The following RRAD variants were observed in gnomAD, a reference collection of about 807,000 sequenced individuals.
RRAD encodes GTP-binding protein RAD.
A neutral mutation model predicts 24.7 loss-of-function variants in RRAD; 15 were observed. The ratio of observed to expected loss-of-function variants is 0.61; its 90% confidence interval spans 0.41 to 0.93. The LOEUF (loss-of-function observed/expected upper bound fraction) is 0.93, where lower values mean the gene tolerates loss of function less well. Ranked by LOEUF, RRAD falls within the 40% of genes least tolerant of loss-of-function variation. The probability of loss-of-function intolerance (pLI) is 0.00; values close to 1 mark genes in which losing one functional copy is unlikely to be tolerated. For missense variants in RRAD, 438 were observed against 452.2 expected (o/e 0.97, Z 0.29); for synonymous variants, 180 against 189.8 (o/e 0.95, Z 0.43).
In RRAD at chr16:66,922,363, T is replaced by C. The variant is rs1247121759; in HGVS notation, c.650-10A>G. ...GCGCAGGCCCGGCCCTCTGTGTGGG[T>C]GGGGAAAGGCAGGCACCAGTAAACA... On this transcript the variant is annotated splice_polypyrimidine_tract_variant and intron_variant, in intron 4 of 4. Transcript: ENST00000299759. 1.9e-6 allele frequency: 3 copies of C among 1,576,224 alleles called. No individual in the cohort carries two copies. Among genetic ancestry groups the C allele is most frequent in the Non-Finnish European group, 2.6e-6 (3 of 1,157,454 alleles).
chr16:66,923,806 C>T lies in RRAD; in HGVS notation c.444+40G>A, dbSNP rs1262389276. 5 of 1,609,508 alleles carry T rather than the reference C, an allele frequency of 3.1e-6. 1 individual carries two copies. Among genetic ancestry groups the T allele is most frequent in the Non-Finnish European group, 4.3e-6 (5 of 1,175,986 alleles). On this transcript the variant is annotated intron_variant, in intron 3 of 4. Transcript: ENST00000299759. This position sits in a 1 kb window ranked among gnomAD's most constrained non-coding sequence, Gnocchi z 4.9. ...ACTCCCAGACCTCTAACCCAACTCA[C>T]TCCTCCCTCCCCTGCCCTGGGTCTC...
Position 66,922,152 on chromosome 16 carries a change from C to A in RRAD, c.851G>T (p.Arg284Leu), listed in dbSNP as rs746946481. The change falls in exon 5 of 5, where the codon CGC (arginine) becomes CTC (leucine). Residue 284 changes from arginine to leucine, a missense_variant. Arg to Leu is a moderately radical substitution (Grantham distance 102). Coordinates refer to ENST00000299759, the MANE Select transcript of RRAD (RefSeq NM_004165.3). ...LGKKAKRFLG[R>L]IVARNSRKMA... The stretch of plus-strand genomic sequence containing the variant: ...CTTGCGGCTGTTACGAGCTACGATG[C>A]GGCCCAAGAAGCGCTTCGCCTTTTT... 8 of 1,613,926 alleles carry A rather than the reference C, an allele frequency of 5.0e-6. No homozygotes were observed. Among genetic ancestry groups the A allele is most frequent in the Admixed American group, 1.7e-5 (1 of 60,008 alleles).
At position 66,922,365 on chromosome 16, in the gene RRAD, G is replaced by T; in HGVS notation, c.650-12C>A. On this transcript the variant is annotated splice_polypyrimidine_tract_variant and intron_variant, in intron 4 of 4. Coordinates refer to ENST00000299759, the MANE Select transcript of RRAD (RefSeq NM_004165.3). Reference sequence around the variant, plus strand: ...GCAGGCCCGGCCCTCTGTGTGGGTGGGGAAAGGCAGGCACCAGTAAACAAA... The same window carrying T: ...GCAGGCCCGGCCCTCTGTGTGGGTGTGGAAAGGCAGGCACCAGTAAACAAA... 1 of 1,573,710 alleles carries T rather than the reference G, an allele frequency of 6.4e-7. No individual in the cohort carries two copies. The highest frequency in any genetic ancestry group is 1.1e-5 in the South Asian group (1 of 89,620).
rs199530243 is a variant in RRAD at position 66,923,965 on chromosome 16, C to T, written c.371-46G>A. On this transcript the variant is annotated intron_variant, in intron 2 of 4. Coordinates refer to ENST00000299759, the MANE Select transcript of RRAD (RefSeq NM_004165.3). This position sits in a 1 kb window ranked among gnomAD's most constrained non-coding sequence, Gnocchi z 4.9. Reference sequence around the variant, plus strand: ...CAGGTTACCAGCTGGTTGTCAAAGCCGCTGCTGCCAGGTTTCCTGTTCTGG... The same window carrying T: ...CAGGTTACCAGCTGGTTGTCAAAGCTGCTGCTGCCAGGTTTCCTGTTCTGG... 2.0e-5 allele frequency: 31 copies of T among 1,514,206 alleles called. No individual in the cohort carries two copies. Among genetic ancestry groups the T allele is most frequent in the South Asian group, 2.0e-4 (18 of 89,064 alleles). 93.8% of individuals were successfully genotyped at this position (1,514,206 alleles called of 1,614,324 possible).
rs1267935196 is a variant in RRAD at position 66,925,068 on chromosome 16, G to C, written c.112C>G (p.Arg38Gly). The C allele has an allele frequency of 4.7e-6, 6 of 1,286,116 alleles. No homozygotes were observed. The highest frequency in any genetic ancestry group is 5.9e-6 in the Non-Finnish European group (6 of 1,019,132). 79.7% of individuals were successfully genotyped at this position (1,286,116 alleles called of 1,614,324 possible). Residue 38 changes from arginine (R) to glycine (G), a missense_variant, in exon 2 of 5, where the codon CGC becomes GGC. By Grantham distance (125) the Arg-to-Gly change is moderately radical (BLOSUM62 -2). Coordinates refer to ENST00000299759, the MANE Select transcript of RRAD (RefSeq NM_004165.3). This position sits in a 1 kb window ranked among gnomAD's most constrained non-coding sequence, Gnocchi z 5.2. Reference protein sequence around the residue: ...PWGPAPPLHRRSMPVDERDLQ... With the variant: ...PWGPAPPLHRGSMPVDERDLQ... ...TCGCGCTCGTCCACCGGCATGCTGC[G>C]GCGGTGCAGCGGCGGGGCGGGGCCC...
intron 4 of RRAD, among the ~76,000 whole-genome samples, chr16:66,922,843 C>T (rs537891884): frequency 6.0e-4 from 91 of 152,202 alleles, no homozygotes; most frequent in African/African-American, 2.0e-3. Flanking sequence ...CCACCACGCC[C>T]GGCTAATTTT....
Position 66,924,898 on chromosome 16 carries a change from C to T in RRAD, c.282G>A (p.Val94=). ...GSDSDESVYK[V]LLLGAPGVGK... is the part of the protein sequence containing the mutation. ...CCACGCCGGGCGCCCCCAGCAGCAG[C>T]ACCTTGTAAACGCTCTCGTCTGAGT... The change falls in exon 2 of 5, where the codon GTG becomes GTA. Residue 94 remains valine, a synonymous_variant. Coordinates refer to ENST00000299759, the MANE Select transcript of RRAD (RefSeq NM_004165.3). This position sits in a 1 kb window ranked among gnomAD's most constrained non-coding sequence, Gnocchi z 4.2. The T allele has an allele frequency of 1.3e-6, 2 of 1,584,612 alleles. No individual in the cohort carries two copies. Among genetic ancestry groups the T allele is most frequent in the Non-Finnish European group, 1.7e-6 (2 of 1,170,386 alleles).
chr16:66,925,202 A>T lies in RRAD; in HGVS notation c.-15-8T>A. The T allele has an allele frequency of 8.0e-7, 1 of 1,244,548 alleles. No individual in the cohort carries two copies. Among genetic ancestry groups the T allele is most frequent in the Non-Finnish European group, 1.0e-6 (1 of 994,298 alleles). The allele number at this position is 1,244,548 out of a possible 1,614,324, so 77.1% of individuals were successfully genotyped here. On this transcript the variant is annotated splice_polypyrimidine_tract_variant and splice_region_variant and intron_variant, in intron 1 of 4. Transcript: ENST00000299759. The surrounding 1 kb of genome is among the most constrained non-coding windows in gnomAD (Gnocchi z 5.2). Reference sequence around the variant, plus strand: ...CATCGCGTCCGGGACCGTCTAGGGGATCAGGAACCCGAGTGGCCGTGTAAG... The same window carrying T: ...CATCGCGTCCGGGACCGTCTAGGGGTTCAGGAACCCGAGTGGCCGTGTAAG...
At position 66,921,994 on chromosome 16, in the gene RRAD, C is replaced by T. The variant is rs1264664381; in HGVS notation, c.*82G>A. 2 of 1,348,642 alleles carry T rather than the reference C, an allele frequency of 1.5e-6. No homozygotes were observed. The highest frequency in any genetic ancestry group is 2.1e-5 in the Admixed American group (1 of 48,308). 83.5% of individuals were successfully genotyped at this position (1,348,642 alleles called of 1,614,324 possible). A position where few individuals can be genotyped will look rare whatever the true frequency, so the allele number is the denominator to read the frequency against. On this transcript the variant is annotated 3_prime_UTR_variant, in exon 5 of 5. Coordinates refer to ENST00000299759, the MANE Select transcript of RRAD (RefSeq NM_004165.3). ...CCGAGGGACCCAGAGTCTGAGCCTG[C>T]TCTGAGGCACCCGGGGCAGTTGGCT...
chr16:66,924,727 G>T lies in RRAD; in HGVS notation c.370+83C>A. The T allele has an allele frequency of 9.8e-7, 1 of 1,017,650 alleles. No individual in the cohort carries two copies. The highest frequency in any genetic ancestry group is 1.3e-6 in the Non-Finnish European group (1 of 764,640). The allele number at this position is 1,017,650 out of a possible 1,614,324, so 63.0% of individuals were successfully genotyped here. A position where few individuals can be genotyped will look rare whatever the true frequency, so the allele number is the denominator to read the frequency against. On this transcript the variant is annotated intron_variant, in intron 2 of 4. Transcript: ENST00000299759. The surrounding 1 kb of genome is among the most constrained non-coding windows in gnomAD (Gnocchi z 4.2). ...CAACAACAACAACTATAATTCCACG[G>T]TATTTGCGGCTTTGAGTACCGGTCT...
In RRAD at chr16:66,924,401, T is replaced by G. The variant is rs747004389; in HGVS notation, c.370+409A>C. The stretch of plus-strand genomic sequence containing the variant: ...CACAGTATTGGCCAGGTGCGGTGGC[T>G]CACGCCTGTAATCCCAGCACTTTGG... On this transcript the variant is annotated intron_variant, in intron 2 of 4. Coordinates refer to ENST00000299759, the MANE Select transcript of RRAD (RefSeq NM_004165.3). The surrounding 1 kb of genome is among the most constrained non-coding windows in gnomAD (Gnocchi z 4.2). 3.9e-5 allele frequency among the ~76,000 whole-genome samples: 6 copies of G among 152,164 alleles called. No individual in the cohort carries two copies. The highest frequency in any genetic ancestry group is 9.7e-5 in the African/African-American group (4 of 41,438).
rs1962919561 is a variant in RRAD, at chr16:66,921,975, G to C, written c.*101C>G. 9.4e-7 allele frequency: 1 copy of C among 1,068,366 alleles called. No individual in the cohort carries two copies. Among genetic ancestry groups the C allele is most frequent in the African/African-American group, 1.6e-5 (1 of 63,186 alleles). The allele number at this position is 1,068,366 out of a possible 1,614,324, so 66.2% of individuals were successfully genotyped here. ...GGGTGCCCGGCTGGCAGCTCCGAGG[G>C]ACCCAGAGTCTGAGCCTGCTCTGAG... On this transcript the variant is annotated 3_prime_UTR_variant, in exon 5 of 5. Transcript: ENST00000299759.
In RRAD at chr16:66,923,525, A is replaced by G; in HGVS notation, c.640T>C (p.Ser214Pro). Residue 214 changes from serine (S) to proline (P), a missense_variant, in exon 4 of 5, where the codon TCG (serine) becomes CCG (proline). By Grantham distance (74) the Ser-to-Pro change is moderately conservative. Transcript: ENST00000299759. The surrounding 1 kb of genome is among the most constrained non-coding windows in gnomAD (Gnocchi z 4.9). The part of the protein sequence containing the change: ...KSDLVRSREV[S>P]VDEGRACAVV... Reference sequence around the variant, plus strand: ...CCTGCCGCCTACTCACCATCCACCGAGACCTCACGAGAGCGCACCAGGTCG... The same window carrying G: ...CCTGCCGCCTACTCACCATCCACCGGGACCTCACGAGAGCGCACCAGGTCG... The G allele has an allele frequency of 1.2e-6, 2 of 1,605,154 alleles. No homozygotes were observed. The highest frequency in any genetic ancestry group is 1.7e-6 in the Non-Finnish European group (2 of 1,178,638).
At position 66,923,782 on chromosome 16, in the gene RRAD, C is replaced by G; in HGVS notation, c.445-62G>C. 1 of 1,609,896 alleles carries G rather than the reference C, an allele frequency of 6.2e-7. No homozygotes were observed. Among genetic ancestry groups the G allele is most frequent in the Non-Finnish European group, 8.5e-7 (1 of 1,176,226 alleles). The stretch of plus-strand genomic sequence containing the variant: ...TCATGCCCCCGACACGAGCCTGGCA[C>G]TCCCAGACCTCTAACCCAACTCACT... On this transcript the variant is annotated intron_variant, in intron 3 of 4. Transcript: ENST00000299759. The surrounding 1 kb of genome is among the most constrained non-coding windows in gnomAD (Gnocchi z 4.9).
In RRAD at chr16:66,924,699, TAAC is replaced by T. The variant is rs1555521406; in HGVS notation, c.370+108_370+110del. 117 of 662,346 alleles carry T rather than the reference TAAC, an allele frequency of 1.8e-4. No individual in the cohort carries two copies. The Middle Eastern group carries it at 2.6e-3, about 15-fold the overall frequency. 41.0% of individuals were successfully genotyped at this position (662,346 alleles called of 1,614,324 possible). On this transcript the variant is annotated intron_variant, in intron 2 of 4. Transcript: ENST00000299759. This position sits in a 1 kb window ranked among gnomAD's most constrained non-coding sequence, Gnocchi z 4.2. The stretch of plus-strand genomic sequence containing the variant: ...AATAAAATAATAATAATAATAATAA[TAAC>T]AACAACAACAACTATAATTCCACGG...
rs1441149393 is a variant in RRAD, at chr16:66,923,470, G to A, written c.649+46C>T. The A allele has an allele frequency of 6.7e-7, 1 of 1,494,152 alleles. No homozygotes were observed. 92.6% of individuals were successfully genotyped at this position (1,494,152 alleles called of 1,614,324 possible). On this transcript the variant is annotated intron_variant, in intron 4 of 4. Transcript: ENST00000299759. This position sits in a 1 kb window ranked among gnomAD's most constrained non-coding sequence, Gnocchi z 4.9. ...GCTGAGCCAAGACTGCCTGGATCAG[G>A]GCCCAGCTGGGCTCTCCCTCCCCCT...
rs781730935 is a variant in RRAD at position 66,923,538 on chromosome 16, G to A, written c.627C>T (p.Arg209=). The change falls in exon 4 of 5, where the codon CGC becomes CGT. Residue 209 remains arginine, a synonymous_variant. Coordinates refer to ENST00000299759, the MANE Select transcript of RRAD (RefSeq NM_004165.3). The surrounding 1 kb of genome is among the most constrained non-coding windows in gnomAD (Gnocchi z 4.9). ...ILVGNKSDLV[R]SREVSVDEGR... is the part of the protein sequence containing the mutation. ...CACCATCCACCGAGACCTCACGAGA[G>A]CGCACCAGGTCGCTCTTGTTGCCCA... is the stretch of plus-strand genomic sequence containing the variant. 3.7e-6 allele frequency: 6 copies of A among 1,609,456 alleles called. No homozygotes were observed. In the Admixed American group the frequency reaches 6.7e-5, roughly 18 times the overall value.
At position 66,924,772 on chromosome 16, in the gene RRAD, C is replaced by G. The variant is rs747654636; in HGVS notation, c.370+38G>C. ...CGGTCTCAGCCCCTAGTCCTAGCCC[C>G]GGGATCGCCCCTCCCCTGAACAGCT... is the stretch of plus-strand genomic sequence containing the variant. On this transcript the variant is annotated intron_variant, in intron 2 of 4. Coordinates refer to ENST00000299759, the MANE Select transcript of RRAD (RefSeq NM_004165.3). The surrounding 1 kb of genome is among the most constrained non-coding windows in gnomAD (Gnocchi z 4.2). 7.0e-7 allele frequency: 1 copy of G among 1,423,382 alleles called. No homozygotes were observed. Among genetic ancestry groups the G allele is most frequent in the Non-Finnish European group, 9.3e-7 (1 of 1,075,714 alleles). The allele number at this position is 1,423,382 out of a possible 1,614,324, so 88.2% of individuals were successfully genotyped here. A position where few individuals can be genotyped will look rare whatever the true frequency, so the allele number is the denominator to read the frequency against.
Position 66,923,486 on chromosome 16 carries a change from C to G in RRAD, c.649+30G>C, listed in dbSNP as rs1336472621. 1 of 1,577,892 alleles carries G rather than the reference C, an allele frequency of 6.3e-7. No individual in the cohort carries two copies. The highest frequency in any genetic ancestry group is 1.1e-5 in the South Asian group (1 of 88,364). Reference sequence around the variant, plus strand: ...CTGGATCAGGGCCCAGCTGGGCTCTCCCTCCCCCTGCAACCTGCCGCCTAC... The same window carrying G: ...CTGGATCAGGGCCCAGCTGGGCTCTGCCTCCCCCTGCAACCTGCCGCCTAC... On this transcript the variant is annotated intron_variant, in intron 4 of 4. Transcript: ENST00000299759. This position sits in a 1 kb window ranked among gnomAD's most constrained non-coding sequence, Gnocchi z 4.9.
Sources: gnomAD v4.1 joint callset for allele counts (sites outside exome capture counted in the v4.1 genomes callset) on GRCh38, gnomAD v4.1.1 for gene constraint, Gnocchi (gnomAD v3.1) non-coding constraint, MANE v1.5 for transcripts, NCBI Gene and HGNC (gene_info 2026-07-23, HGNC 2026-07-21) for gene names.